Variants in RALYL observed in about 807,000 individuals in gnomAD.
The protein encoded by RALYL is RNA-binding Raly-like protein.
RALYL carries 29 observed loss-of-function variants against 35.1 expected under a neutral mutation model. That is an observed-to-expected ratio of 0.83 (90% CI 0.61 to 1.13). The LOEUF is 1.13. Among genes scored for constraint, RALYL ranks in the 50% most tolerant of loss-of-function variants. RALYL has a pLI of 0.00. For synonymous variants in RALYL, 120 were observed against 127.6 expected, an observed-to-expected ratio of 0.94 and a Z score of 0.40; for missense variants, 359 against 360.4, an observed-to-expected ratio of 1.00 and a Z score of 0.03.
chr8:84,515,614 C>T (rs2057997498), intron 1 of RALYL, among the ~76,000 whole-genome samples: 1 of 152,102 alleles, frequency 6.6e-6, no homozygotes, highest in Admixed American at 6.5e-5. Context: ...TCTTTCAATC[C>T]ATTTAATTTA....
chr8:84,626,953 C>A (rs915971922), intron 2 of RALYL, among the ~76,000 whole-genome samples: 1 of 152,038 alleles, frequency 6.6e-6, no homozygotes, highest in African/African-American at 2.4e-5. Context: ...TCAATTAAAC[C>A]CCTATTCCAA....
chr8:84,566,679 T>C (rs1167725882), intron 2 of RALYL, among the ~76,000 whole-genome samples: 1 of 151,610 alleles, frequency 6.6e-6, no homozygotes, highest in Non-Finnish European at 1.5e-5. Flanking sequence ...AATGAAGGAA[T>C]AGAATCAGAC....
At chr8:84,495,608 A>G (rs2055913742) in intron 1 of RALYL, among the ~76,000 whole-genome samples, 1 of 152,104 alleles carries the variant, frequency 6.6e-6, no homozygotes, top group Non-Finnish European at 1.5e-5. Context: ...TAATTCATTC[A>G]TACAAGGTAT....
intron 1 of RALYL, among the ~76,000 whole-genome samples, chr8:84,460,249 G>A (rs537153194): frequency 2.8e-4 from 43 of 151,822 alleles, no homozygotes; most frequent in African/African-American, 1.0e-3. Context: ...GTCTAAATGG[G>A]TAGAATGCTT....
chr8:84,448,024 C>G (rs546675984), intron 1 of RALYL, among the ~76,000 whole-genome samples: 1 of 151,844 alleles, frequency 6.6e-6, no homozygotes, highest in Non-Finnish European at 1.5e-5. Context: ...GCCTGGTAAT[C>G]TTTGAGAGAA....
intron 8 of RALYL, among the ~76,000 whole-genome samples, chr8:84,901,659 C>G (rs989374139): frequency 6.6e-6 from 1 of 152,068 alleles, no homozygotes. Flanking sequence ...GACTGGCATA[C>G]TAAGTAAATA....
chr8:84,823,073 T>C lies in RALYL; in HGVS notation c.365+18271T>C, dbSNP rs528842079. Among the ~76,000 whole-genome samples the C allele has an allele frequency of 2.9e-3, 438 of 152,244 alleles. 1 individual carries two copies. Among genetic ancestry groups the C allele is most frequent in the Non-Finnish European group, 4.1e-3 (281 of 67,990 alleles). On this transcript the variant is annotated intron_variant, in intron 4 of 8. Coordinates refer to ENST00000521268, the MANE Select transcript of RALYL (RefSeq NM_173848.7). ...ACCATTTCATTTCAGAAAGTAGGAGTAAGCATTTTAAAACGTGTAGCATGT... is the reference window on the plus strand; with the variant it reads ...ACCATTTCATTTCAGAAAGTAGGAGCAAGCATTTTAAAACGTGTAGCATGT...
intron 2 of RALYL, among the ~76,000 whole-genome samples, chr8:84,581,599 A>G (rs1029163842): frequency 6.6e-6 from 1 of 152,134 alleles, no homozygotes; most frequent in Non-Finnish European, 1.5e-5. Flanking sequence ...TATAATGATA[A>G]GTCTTTGTTC....
chr8:84,693,875 C>T (rs1270572900), intron 2 of RALYL, among the ~76,000 whole-genome samples: 1 of 151,540 alleles, frequency 6.6e-6, no homozygotes, highest in African/African-American at 2.4e-5. Flanking sequence ...ATATGATCAC[C>T]TCAAAGATGA....
rs575377694 is a variant in RALYL, at chr8:84,633,374, CT to C, written c.256+103798del. Among the ~76,000 whole-genome samples, 214 of 151,698 alleles carry C rather than the reference CT, an allele frequency of 1.4e-3. 1 individual carries two copies. Among genetic ancestry groups the C allele is most frequent in the African/African-American group, 4.8e-3 (198 of 41,450 alleles). On this transcript the variant is annotated intron_variant, in intron 2 of 8. Transcript: ENST00000521268. ...GGCTCTCCGCTACTTCCTTTCCCCCCTGACTTTAAAAAAAAATTTTTAGCTG... is the reference window on the plus strand; with the variant it reads ...GGCTCTCCGCTACTTCCTTTCCCCCCGACTTTAAAAAAAAATTTTTAGCTG...
chr8:84,343,922 A>G (rs971125924), intron 1 of RALYL, among the ~76,000 whole-genome samples: 1 of 151,712 alleles, frequency 6.6e-6, no homozygotes, highest in African/African-American at 2.4e-5. Flanking sequence ...CGAAACAGAA[A>G]TAACTTATAT....
At chr8:84,637,920 T>A (rs1174233057) in intron 2 of RALYL, among the ~76,000 whole-genome samples, 1 of 151,834 alleles carries the variant, frequency 6.6e-6, no homozygotes, top group Non-Finnish European at 1.5e-5. Flanking sequence ...AGGGATGTGG[T>A]GCTTCAAAGA....
intron 1 of RALYL, among the ~76,000 whole-genome samples, chr8:84,483,420 G>A (rs1413151094): frequency 6.6e-6 from 1 of 152,086 alleles, no homozygotes; most frequent in Non-Finnish European, 1.5e-5. Context: ...AAGCCTCTGA[G>A]TACTTGTGGT....
At chr8:84,871,661 T>C (rs1171602965) in intron 6 of RALYL, among the ~76,000 whole-genome samples, 1 of 152,184 alleles carries the variant, frequency 6.6e-6, no homozygotes. Context: ...TTTTACCCTG[T>C]TCTACTTTCA....
At chr8:84,738,627 C>T (rs927765956) in intron 2 of RALYL, among the ~76,000 whole-genome samples, 1 of 151,918 alleles carries the variant, frequency 6.6e-6, no homozygotes, top group African/African-American at 2.4e-5. Flanking sequence ...AGCATAGCAT[C>T]GTTATATATT....
chr8:84,641,937 G>A (rs1588696916), intron 2 of RALYL, among the ~76,000 whole-genome samples: 2 of 151,886 alleles, frequency 1.3e-5, no homozygotes, highest in East Asian at 3.9e-4. Flanking sequence ...GTATGCCCAT[G>A]CTTCCAAAGG....
chr8:84,569,488 C>A (rs1807385853), intron 2 of RALYL, among the ~76,000 whole-genome samples: 2 of 151,532 alleles, frequency 1.3e-5, no homozygotes, highest in South Asian at 4.2e-4. Context: ...TATTATTAGT[C>A]CTTTGTTGGA....
At chr8:84,724,690 C>A (rs1844616176) in intron 2 of RALYL, among the ~76,000 whole-genome samples, 1 of 151,682 alleles carries the variant, frequency 6.6e-6, no homozygotes, top group African/African-American at 2.4e-5. Context: ...TCAAAGTTTT[C>A]AATTATCCCA....
intron 1 of RALYL, among the ~76,000 whole-genome samples, chr8:84,325,099 A>G (rs1845566781): frequency 6.6e-6 from 1 of 152,118 alleles, no homozygotes; most frequent in Admixed American, 6.6e-5. Flanking sequence ...AAAGTTTCCT[A>G]TGTCCACAAT....
Sources: allele counts gnomAD v4.1 joint callset (sites outside exome capture counted in the v4.1 genomes callset), GRCh38; gene constraint gnomAD v4.1.1; transcripts MANE v1.5; gene names NCBI Gene and HGNC (gene_info 2026-07-23, HGNC 2026-07-21).